ZDHHC11B: variants seen among roughly 807,000 people sequenced by gnomAD.
ZDHHC11B encodes probable palmitoyltransferase ZDHHC11B.
In ZDHHC11B, 17 loss-of-function variants were observed where a neutral mutation model predicts 42.3. The ratio of observed to expected loss-of-function variants is 0.40; its 90% CI spans 0.27 to 0.60. The LOEUF (loss-of-function observed/expected upper bound fraction) is 0.60, where lower values mean the gene tolerates loss of function less well. ZDHHC11B is among the 20% of genes least tolerant of loss of function. ZDHHC11B has a pLI of 0.41. For synonymous variants in ZDHHC11B, 123 were observed against 193.5 expected (o/e 0.64, Z 3.02); for missense variants, 262 against 463.2 (o/e 0.57, Z 3.99).
chr5:717,204 C>G (rs546254504), intron 12 of ZDHHC11B, among the ~76,000 whole-genome samples: 1 of 151,236 alleles, frequency 6.6e-6, no homozygotes, highest in South Asian at 2.1e-4. Flanking sequence ...CACAGGAGGT[C>G]AGCTCATGCC....
intron 12 of ZDHHC11B, among the ~76,000 whole-genome samples, chr5:722,987 T>C (rs375332772): frequency 1.3e-5 from 2 of 151,642 alleles, no homozygotes; most frequent in African/African-American, 2.4e-5. Flanking sequence ...TTTAGGAATA[T>C]ACATCTATAT....
intron 13 of ZDHHC11B, 130 bp downstream of exon 13, chr5:716,671 A>C (rs1291744281): frequency 8.5e-7 from 1 of 1,171,376 alleles, no homozygotes; most frequent in Non-Finnish European, 1.2e-6. Context: ...TACTGTTGAC[A>C]TCAAGAGACA....
chr5:719,705 C>T (rs1742041944), intron 12 of ZDHHC11B, among the ~76,000 whole-genome samples: 1 of 150,990 alleles, frequency 6.6e-6, no homozygotes, highest in Admixed American at 6.6e-5. Flanking sequence ...CCAACATATG[C>T]AACATAGGAG....
At chr5:743,323 T>G (rs1744380420) in intron 9 of ZDHHC11B, among the ~76,000 whole-genome samples, 1 of 149,416 alleles carries the variant, frequency 6.7e-6, no homozygotes, top group African/African-American at 2.5e-5. Context: ...TAGTAACATT[T>G]AAAGTCTGGT....
intron 1 of ZDHHC11B, among the ~76,000 whole-genome samples, chr5:776,899 C>A (rs1251192436): frequency 8.6e-5 from 13 of 151,868 alleles, no homozygotes; most frequent in African/African-American, 3.1e-4. Flanking sequence ...CCTCCTGCTC[C>A]GCGGGACTCT....
chr5:727,914 A>G (rs1742714009), intron 12 of ZDHHC11B, among the ~76,000 whole-genome samples: 2 of 151,832 alleles, frequency 1.3e-5, no homozygotes, highest in Non-Finnish European at 2.9e-5. Flanking sequence ...CAAGACAGGA[A>G]CATTTGACAA....
intron 1 of ZDHHC11B, among the ~76,000 whole-genome samples, chr5:775,834 C>G (rs1164307891): frequency 6.6e-6 from 1 of 151,074 alleles, no homozygotes; most frequent in African/African-American, 2.4e-5. Context: ...GTGAAGGACA[C>G]GCTGTGTTGC....
chr5:751,748 C>T (rs1462092824), intron 6 of ZDHHC11B, among the ~76,000 whole-genome samples: 10 of 126,092 alleles, frequency 7.9e-5, no homozygotes, highest in African/African-American at 1.3e-4. Flanking sequence ...CCTGTGACGC[C>T]CCCCCAGGTC....
chr5:730,434 C>G lies in ZDHHC11B; in HGVS notation c.1058G>C (p.Gly353Ala). The change falls in exon 12 of 14, where the codon GGG becomes GCG. Residue 353 changes from glycine (G) to alanine (A), a missense_variant and splice_region_variant. Transcript: ENST00000508859. The part of the protein sequence containing the change: ...ADDAPSTSTL[G>A]LQQETTEPMK... ...GTTCCCATTAAACTTACGAACTTAC[C>G]CAAGTGTAGATGTACTCGGGGCATC... The G allele has an allele frequency of 6.3e-7, 1 of 1,578,046 alleles. No individual in the cohort carries two copies. Among genetic ancestry groups the G allele is most frequent in the South Asian group, 1.2e-5 (1 of 83,042 alleles).
intron 8 of ZDHHC11B, among the ~76,000 whole-genome samples, chr5:746,747 C>T (rs1744884561): frequency 6.6e-6 from 1 of 150,560 alleles, no homozygotes. Flanking sequence ...CCCAAAGGAG[C>T]CTGCAGCCCC....
At chr5:763,411 C>T (rs553750328) in intron 4 of ZDHHC11B, among the ~76,000 whole-genome samples, 1,590 of 150,434 alleles carry the variant, frequency 0.011, 12 homozygotes, top group African/African-American at 0.034. Context: ...AAAAATACAA[C>T]CTATGAAAAT....
intron 4 of ZDHHC11B, among the ~76,000 whole-genome samples, chr5:758,933 C>T (rs1189772450): frequency 2.0e-5 from 3 of 151,848 alleles, no homozygotes; most frequent in Admixed American, 2.0e-4. Context: ...ACCCAGCTAG[C>T]CACTCTGCCC....
At chr5:737,318 T>TA (rs1400045404) in intron 10 of ZDHHC11B, among the ~76,000 whole-genome samples, 4 of 148,540 alleles carry the variant, frequency 2.7e-5, no homozygotes, top group African/African-American at 5.0e-5. Context: ...GAAACAGTAA[T>TA]AAAAAAATTG....
In ZDHHC11B at chr5:727,341, G is replaced by A. The variant is rs553427350; in HGVS notation, c.1058+3093C>T. Among the ~76,000 whole-genome samples the A allele has an allele frequency of 1.2e-3, 174 of 144,546 alleles. 10 individuals carry two copies. The highest frequency in any genetic ancestry group is 6.8e-3 in the Admixed American group (96 of 14,018). 94.8% of individuals were successfully genotyped at this position (144,546 alleles called of 152,430 possible). A position where few individuals can be genotyped will look rare whatever the true frequency, so the allele number is the denominator to read the frequency against. Reference sequence around the variant, plus strand: ...CTGGGTCCTTATTGTGGCTCCCAGCGGAGTTGGGATGCCAGGGAAACGCTA... The same window carrying A: ...CTGGGTCCTTATTGTGGCTCCCAGCAGAGTTGGGATGCCAGGGAAACGCTA... On this transcript the variant is annotated intron_variant, in intron 12 of 13. Coordinates refer to ENST00000508859, the MANE Select transcript of ZDHHC11B (RefSeq NM_001351303.2).
intron 1 of ZDHHC11B, among the ~76,000 whole-genome samples, chr5:776,500 C>T (rs1266788048): frequency 2.1e-4 from 32 of 151,976 alleles, no homozygotes; most frequent in African/African-American, 6.8e-4. Flanking sequence ...AAAGTCTCCA[C>T]TGCAAGGCGC....
Position 751,815 on chromosome 5 carries a change from T to C in ZDHHC11B, c.504-558A>G, listed in dbSNP as rs190859476. On this transcript the variant is annotated intron_variant, in intron 6 of 13. Coordinates refer to ENST00000508859, the MANE Select transcript of ZDHHC11B (RefSeq NM_001351303.2). Reference sequence around the variant, plus strand: ...GGGACATTCCCACCAGCACACCGCCTGACAATTCAGGCAGTGCTTCTTGCA... The same window carrying C: ...GGGACATTCCCACCAGCACACCGCCCGACAATTCAGGCAGTGCTTCTTGCA... Among the ~76,000 whole-genome samples, 1,053 of 121,468 alleles carry C rather than the reference T, an allele frequency of 8.7e-3. 221 individuals are homozygous for C. Among genetic ancestry groups the C allele is most frequent in the Middle Eastern group, 8.7e-3 (2 of 230 alleles). The allele number at this position is 121,468 out of a possible 152,430, so 79.7% of individuals were successfully genotyped here.
chr5:733,504 G>A (rs2127011075), intron 11 of ZDHHC11B, among the ~76,000 whole-genome samples: 1 of 151,788 alleles, frequency 6.6e-6, no homozygotes, highest in South Asian at 2.1e-4. Context: ...TCTTGGTGGT[G>A]CTCCAGTGCT....
chr5:751,571 G>A (rs1449042538), intron 6 of ZDHHC11B, among the ~76,000 whole-genome samples: 14 of 93,440 alleles, frequency 1.5e-4, no homozygotes, highest in African/African-American at 5.4e-4. Flanking sequence ...GGTGGGGGGT[G>A]CAGAGGCAGG....
intron 4 of ZDHHC11B, among the ~76,000 whole-genome samples, chr5:760,442 T>G (rs1249549602): frequency 6.6e-6 from 1 of 151,362 alleles, no homozygotes; most frequent in Admixed American, 6.6e-5. Flanking sequence ...GCCAGAACCA[T>G]CCCCTCCAGC....
Sources: gnomAD v4.1 joint callset for allele counts (sites outside exome capture counted in the v4.1 genomes callset) on GRCh38, gnomAD v4.1.1 for gene constraint, MANE v1.5 for transcripts, NCBI Gene and HGNC (gene_info 2026-07-23, HGNC 2026-07-21) for gene names.